The following HMCN1 variants were observed in gnomAD, a reference collection of about 807,000 sequenced individuals.
HMCN1 encodes hemicentin 1.
Under a neutral mutation model 625.9 loss-of-function variants are expected in HMCN1, and 321 were observed. The ratio of observed to expected loss-of-function variants is 0.51; its 90% CI spans 0.47 to 0.56. The LOEUF (loss-of-function observed/expected upper bound fraction) is 0.56. Ranked by LOEUF, HMCN1 falls within the 20% of genes least tolerant of loss-of-function variation. The probability of loss-of-function intolerance (pLI) is 0.00; values close to 1 mark genes in which losing one functional copy is unlikely to be tolerated. For missense variants in HMCN1, 6,588 were observed against 6,887.3 expected, an observed-to-expected ratio of 0.96 and a Z score of 1.54; for synonymous variants, 2,425 against 2,417.6, an observed-to-expected ratio of 1.00 and a Z score of -0.09.
intron 1 of HMCN1, among the ~76,000 whole-genome samples, chr1:185,749,976 C>T (rs896631697): frequency 5.9e-5 from 9 of 152,222 alleles, no homozygotes; most frequent in African/African-American, 2.2e-4. Flanking sequence ...GGCTAAAAGT[C>T]ACCTCCTCCG....
At position 185,965,821 on chromosome 1, in the gene HMCN1, A is replaced by T. The variant is rs1409679577; in HGVS notation, c.2118A>T (p.Val706=). ...TTTCAGAAGCCCCTAAGTTGATGGT[A>T]GTTCAGAGTGAGCTCTTGGTTGCCC... ...LRYIEAPKLM[V]VQSELLVALG... The change falls in exon 14 of 107, where the codon GTA becomes GTT. Residue 706 remains valine (V), a synonymous_variant. Coordinates refer to ENST00000271588, the MANE Select transcript of HMCN1 (RefSeq NM_031935.3). 3.1e-6 allele frequency: 5 copies of T among 1,609,488 alleles called. No individual in the cohort carries two copies. The highest frequency in any genetic ancestry group is 3.3e-5 in the Admixed American group (2 of 59,960).
At position 185,977,906 on chromosome 1, in the gene HMCN1, A is replaced by G. The variant is rs1452888525; in HGVS notation, c.2491A>G (p.Asn831Asp). Residue 831 changes from asparagine (N) to aspartate (D), a missense_variant, in exon 16 of 107, where the codon AAC becomes GAC. By Grantham distance (23) the Asn-to-Asp change is conservative. Around this residue, in one of 3 missense-constraint regions of HMCN1, gnomAD observed 4,628 missense variants for 4,853.1 expected, o/e 0.95. Coordinates refer to ENST00000271588, the MANE Select transcript of HMCN1 (RefSeq NM_031935.3). Reference protein sequence around the residue: ...EPTIKWRRLDNMPIFSRPFSV... With the variant: ...EPTIKWRRLDDMPIFSRPFSV... ...AACAATCAAATGGCGAAGATTAGAC[A>G]ACATGCCAATTTTCTCAAGACCTTT... 1 of 1,613,458 alleles carries G rather than the reference A, an allele frequency of 6.2e-7. No individual in the cohort carries two copies. Among genetic ancestry groups the G allele is most frequent in the East Asian group, 2.2e-5 (1 of 44,790 alleles).
chr1:185,922,861 G>A (rs1000162567), intron 7 of HMCN1, among the ~76,000 whole-genome samples: 4 of 151,972 alleles, frequency 2.6e-5, no homozygotes, highest in East Asian at 1.9e-4. Flanking sequence ...TTTCCTTACC[G>A]AAATCTATAA....
chr1:186,066,637 G>A (rs1357655547), intron 49 of HMCN1, among the ~76,000 whole-genome samples: 3 of 152,138 alleles, frequency 2.0e-5, no homozygotes, highest in Non-Finnish European at 4.4e-5. Context: ...ACTCTGGCAA[G>A]CACTTCCCTT....
intron 28 of HMCN1, 150 bp from the exon 29 acceptor site, chr1:186,003,568 A>C: frequency 1.4e-6 from 1 of 726,980 alleles, no homozygotes; most frequent in South Asian, 1.5e-5. Context: ...GGTACACAGA[A>C]ATGATATGAA....
At position 186,119,270 on chromosome 1, in the gene HMCN1, A is replaced by C. The variant is rs181531484; in HGVS notation, c.11928A>C (p.Ala3976=). The change falls in exon 78 of 107, where the codon GCA becomes GCC. Residue 3976 remains alanine, a synonymous_variant. Coordinates refer to ENST00000271588, the MANE Select transcript of HMCN1 (RefSeq NM_031935.3). ...TCVARNAAGS[A]HRHVTLHVHE... ...TCGCTAGGAATGCGGCTGGCTCTGC[A>C]CATCGACACGTGACCCTTCATGTTC... 4 of 1,613,882 alleles carry C rather than the reference A, an allele frequency of 2.5e-6. No homozygotes were observed. The East Asian group carries it at 8.9e-5, about 36-fold the overall frequency.
At chr1:185,740,519 A>T (rs911830453) in intron 1 of HMCN1, among the ~76,000 whole-genome samples, 2 of 152,128 alleles carry the variant, frequency 1.3e-5, no homozygotes, top group Admixed American at 1.3e-4. Flanking sequence ...CATGCCAAAA[A>T]TTTTATGTGG....
At position 185,865,894 on chromosome 1, in the gene HMCN1, A is replaced by T. The variant is rs1244110618; in HGVS notation, c.621+31A>T. The T allele has an allele frequency of 1.9e-6, 3 of 1,610,600 alleles. No individual in the cohort carries two copies. In the Middle Eastern group the frequency reaches 5.0e-4, roughly 266 times the overall value. ...TTTAATAAAGGGAGTCTACTTTATT[A>T]CCAGCTGCCTTATCAAAATCAGTTA... On this transcript the variant is annotated intron_variant, in intron 4 of 106. Coordinates refer to ENST00000271588, the MANE Select transcript of HMCN1 (RefSeq NM_031935.3).
At chr1:185,889,989 C>T (rs949861821) in intron 4 of HMCN1, among the ~76,000 whole-genome samples, 18 of 150,356 alleles carry the variant, frequency 1.2e-4, no homozygotes, top group African/African-American at 4.3e-4. Flanking sequence ...AATTTCAGAT[C>T]CTGTTATTGG....
chr1:186,176,035 T>C (rs1286723467), intron 103 of HMCN1, among the ~76,000 whole-genome samples: 1 of 152,208 alleles, frequency 6.6e-6, no homozygotes, highest in Non-Finnish European at 1.5e-5. Context: ...TCCTGTATTG[T>C]TTTCTTTCAT....
chr1:185,853,114 A>T (rs910188837), intron 2 of HMCN1, among the ~76,000 whole-genome samples: 11 of 152,132 alleles, frequency 7.2e-5, no homozygotes, highest in Non-Finnish European at 1.5e-4. Flanking sequence ...ATATTTATTT[A>T]TATAATTTGT....
chr1:185,751,508 G>A (rs2102095113), intron 1 of HMCN1, among the ~76,000 whole-genome samples: 1 of 151,964 alleles, frequency 6.6e-6, no homozygotes, highest in Non-Finnish European at 1.5e-5. Context: ...TTTCCTGCCT[G>A]GAACCTGGTT....
intron 36 of HMCN1, among the ~76,000 whole-genome samples, chr1:186,023,702 G>A (rs1346898958): frequency 2.6e-5 from 4 of 152,140 alleles, no homozygotes; most frequent in Non-Finnish European, 5.9e-5. Context: ...CCAATAATTA[G>A]AGGGTTGGAC....
At position 186,007,301 on chromosome 1, in the gene HMCN1, T is replaced by G; in HGVS notation, c.4630+19T>G. On this transcript the variant is annotated intron_variant, in intron 30 of 106. Transcript: ENST00000271588. ...ATCTATAGTAAGTGCGATTGTCTTATGCTTTTTATTGTCTGCTCTCATTAT... is the reference window on the plus strand; with the variant it reads ...ATCTATAGTAAGTGCGATTGTCTTAGGCTTTTTATTGTCTGCTCTCATTAT... 6.2e-7 allele frequency: 1 copy of G among 1,610,920 alleles called. No homozygotes were observed. Among genetic ancestry groups the G allele is most frequent in the Non-Finnish European group, 8.5e-7 (1 of 1,177,326 alleles).
intron 89 of HMCN1, among the ~76,000 whole-genome samples, chr1:186,140,739 T>G (rs772418485): frequency 3.9e-5 from 6 of 152,172 alleles, no homozygotes; most frequent in Non-Finnish European, 5.9e-5. Context: ...ACTCCATCAT[T>G]ATCTTCCATA....
chr1:186,093,730 C>T (rs1659972364), intron 66 of HMCN1, 61 bp downstream of exon 66: 1 of 1,601,638 alleles, frequency 6.2e-7, no homozygotes, highest in Non-Finnish European at 8.6e-7. Context: ...GTAGACTTTT[C>T]CTTCATTTAA....
chr1:186,003,816 C>A lies in HMCN1; in HGVS notation c.4447C>A (p.Pro1483Thr). ...ATGCCAGGTCAAAGGCACTCCCTTT[C>A]CTGATATTCATTGGTTCAAAGATGG... Reference protein sequence around the residue: ...LECQVKGTPFPDIHWFKDGKP... With the variant: ...LECQVKGTPFTDIHWFKDGKP... The change falls in exon 29 of 107, where the codon CCT becomes ACT. Residue 1483 changes from proline to threonine, a missense_variant. By Grantham distance (38) the Pro-to-Thr change is conservative (BLOSUM62 -1). Transcript: ENST00000271588. 6.2e-7 allele frequency: 1 copy of A among 1,613,280 alleles called. No individual in the cohort carries two copies. The highest frequency in any genetic ancestry group is 8.5e-7 in the Non-Finnish European group (1 of 1,179,418).
chr1:185,985,511 T>C (rs902070176), intron 19 of HMCN1, among the ~76,000 whole-genome samples: 1 of 152,210 alleles, frequency 6.6e-6, no homozygotes, highest in Non-Finnish European at 1.5e-5. Context: ...TTAGGATGTC[T>C]TTCCTATCAG....
At chr1:185,908,488 A>G (rs1666224896) in intron 4 of HMCN1, among the ~76,000 whole-genome samples, 1 of 151,972 alleles carries the variant, frequency 6.6e-6, no homozygotes, top group Non-Finnish European at 1.5e-5. Context: ...TATCATGACT[A>G]AAATTATAAG....
Sources: allele counts gnomAD v4.1 joint callset (sites outside exome capture counted in the v4.1 genomes callset), GRCh38; gene constraint gnomAD v4.1.1; regional missense constraint gnomAD v4.1.1; transcripts MANE v1.5; gene names NCBI Gene and HGNC (gene_info 2026-07-23, HGNC 2026-07-21).